MOSMO: variants seen among roughly 807,000 people sequenced by gnomAD.
The protein encoded by MOSMO is modulator of smoothened protein.
A neutral mutation model predicts 18.4 loss-of-function variants in MOSMO; 5 were observed. The ratio of observed to expected loss-of-function variants is 0.27; its 90% CI spans 0.14 to 0.57. The LOEUF (loss-of-function observed/expected upper bound fraction) is 0.57, where lower values mean the gene tolerates loss of function less well. MOSMO is among the 20% of genes least tolerant of loss of function. The pLI is 0.92. For missense variants in MOSMO, 138 were observed against 211.8 expected (o/e 0.65, Z 2.16); for synonymous variants, 82 against 82.3 (o/e 1.00, Z 0.02).
At chr16:22,051,671 G>A (rs2141746651) in intron 1 of MOSMO, among the ~76,000 whole-genome samples, 1 of 152,296 alleles carries the variant, frequency 6.6e-6, no homozygotes, top group East Asian at 1.9e-4. Context: ...GATTCACTGA[G>A]TTGTGTGACT....
intron 1 of MOSMO, among the ~76,000 whole-genome samples, chr16:22,022,320 C>G (rs1899782127): frequency 2.0e-5 from 3 of 152,084 alleles, no homozygotes; most frequent in South Asian, 2.1e-4. Flanking sequence ...ACTGCCCAGG[C>G]CCTGCCGGTA....
intron 1 of MOSMO, among the ~76,000 whole-genome samples, chr16:22,031,819 A>G (rs1186582135): frequency 6.6e-6 from 1 of 152,220 alleles, no homozygotes; most frequent in Non-Finnish European, 1.5e-5. Flanking sequence ...TCTGTGAACC[A>G]TGTACAGGTT....
intron 1 of MOSMO, among the ~76,000 whole-genome samples, chr16:22,035,396 A>ATTTTT (rs1160059034): frequency 1.5e-3 from 204 of 133,350 alleles, no homozygotes; most frequent in Non-Finnish European, 2.5e-3. Flanking sequence ...GCAGGAGGGG[A>ATTTTT]TTTTTTTTTT....
intron 1 of MOSMO, among the ~76,000 whole-genome samples, chr16:22,058,287 G>T (rs944056297): frequency 6.6e-6 from 1 of 152,034 alleles, no homozygotes; most frequent in South Asian, 2.1e-4. Flanking sequence ...TTAGCCGGGC[G>T]TGATGGCGTG....
chr16:22,061,744 A>G (rs1900649173), intron 1 of MOSMO, among the ~76,000 whole-genome samples: 1 of 152,176 alleles, frequency 6.6e-6, no homozygotes, highest in Non-Finnish European at 1.5e-5. Context: ...AACCTTCTCT[A>G]AAGTATGGTT....
chr16:22,089,275 C>G (rs2141799804), downstream of MOSMO, among the ~76,000 whole-genome samples: 1 of 152,148 alleles, frequency 6.6e-6, no homozygotes, highest in East Asian at 1.9e-4. Context: ...ACTTTGTTGC[C>G]CAGACTGGTC....
At position 22,008,390 on chromosome 16, in the gene MOSMO, A is replaced by T. The variant is rs1899435365; in HGVS notation, c.89A>T (p.Asn30Ile). Reference sequence around the variant, plus strand: ...AGCATCGCCAACCCGGACTGGATCAACACCGGGGAGTCTGCGGGTGAGCCG... The same window carrying T: ...AGCATCGCCAACCCGGACTGGATCATCACCGGGGAGTCTGCGGGTGAGCCG... ...IASIANPDWI[N>I]TGESAGALTV... is the part of the protein sequence containing the mutation. Residue 30 changes from asparagine to isoleucine, a missense_variant, in exon 1 of 3, where the codon AAC (asparagine) becomes ATC (isoleucine). Coordinates refer to ENST00000542527, the MANE Select transcript of MOSMO (RefSeq NM_001164579.2). 6.5e-7 allele frequency: 1 copy of T among 1,532,266 alleles called. No individual in the cohort carries two copies. The highest frequency in any genetic ancestry group is 8.7e-7 in the Non-Finnish European group (1 of 1,145,308). 94.9% of individuals were successfully genotyped at this position (1,532,266 alleles called of 1,614,324 possible). A position where few individuals can be genotyped will look rare whatever the true frequency, so the allele number is the denominator to read the frequency against.
At chr16:22,008,583 C>T (rs1899443468) in intron 1 of MOSMO, among the ~76,000 whole-genome samples, 176 bp downstream of exon 1, 1 of 151,110 alleles carries the variant, frequency 6.6e-6, no homozygotes, top group South Asian at 2.1e-4. Flanking sequence ...GAGAGGAAGC[C>T]GCCGGGCGCC....
intron 2 of MOSMO, among the ~76,000 whole-genome samples, chr16:22,076,742 G>A (rs181248420): frequency 1.6e-4 from 24 of 152,280 alleles, no homozygotes; most frequent in Admixed American, 1.6e-3. Flanking sequence ...TTAAAACTCA[G>A]TTTATCCTAA....
chr16:22,030,616 G>A (rs563381847), intron 1 of MOSMO, among the ~76,000 whole-genome samples: 14 of 152,160 alleles, frequency 9.2e-5, no homozygotes, highest in Admixed American at 7.2e-4. Flanking sequence ...GGCTCACTGC[G>A]ACCTCTGCCT....
chr16:22,041,787 A>C (rs1172583987), intron 1 of MOSMO, among the ~76,000 whole-genome samples: 3 of 151,448 alleles, frequency 2.0e-5, no homozygotes, highest in African/African-American at 7.3e-5. Flanking sequence ...CATTCCTCCC[A>C]CCTCATATTC....
At chr16:22,088,119 G>T (rs150028558), downstream of MOSMO, among the ~76,000 whole-genome samples, 2 of 152,038 alleles carry the variant, frequency 1.3e-5, no homozygotes, top group Non-Finnish European at 2.9e-5. Context: ...AAATTCCTGG[G>T]CTCAAGCGAT....
intron 1 of MOSMO, among the ~76,000 whole-genome samples, chr16:22,066,845 GACAC>G (rs1298307574): frequency 1.3e-5 from 2 of 152,076 alleles, no homozygotes; most frequent in African/African-American, 2.4e-5. Context: ...AAAATTACAA[GACAC>G]ACACAGAAAC....
chr16:22,062,453 G>C (rs921957801), intron 1 of MOSMO, among the ~76,000 whole-genome samples: 2 of 152,050 alleles, frequency 1.3e-5, no homozygotes, highest in African/African-American at 4.8e-5. Flanking sequence ...CTCTTGAGTA[G>C]CTTGAACCAC....
At position 22,008,294 on chromosome 16, in the gene MOSMO, G is replaced by A. The variant is rs1427729659; in HGVS notation, c.-8G>A. ...GGGCTCGGGGGGTGGGGGGAGCGGG[G>A]CGGGGAGATGGATAAACTGACCATC... On this transcript the variant is annotated 5_prime_UTR_variant, in exon 1 of 3. Coordinates refer to ENST00000542527, the MANE Select transcript of MOSMO (RefSeq NM_001164579.2). 1 of 1,497,000 alleles carries A rather than the reference G, an allele frequency of 6.7e-7. No homozygotes were observed. The highest frequency in any genetic ancestry group is 2.6e-5 in the East Asian group (1 of 38,902). 92.7% of individuals were successfully genotyped at this position (1,497,000 alleles called of 1,614,324 possible). A position where few individuals can be genotyped will look rare whatever the true frequency, so the allele number is the denominator to read the frequency against.
intron 1 of MOSMO, among the ~76,000 whole-genome samples, chr16:22,073,759 G>C (rs1176499336): frequency 1.3e-5 from 2 of 151,342 alleles, no homozygotes; most frequent in Admixed American, 6.6e-5. Flanking sequence ...GCTCCAAGTA[G>C]AAGGTGGTGT....
At chr16:22,056,270 T>A (rs1428423349) in intron 1 of MOSMO, among the ~76,000 whole-genome samples, 1 of 152,038 alleles carries the variant, frequency 6.6e-6, no homozygotes, top group Non-Finnish European at 1.5e-5. Flanking sequence ...CATCTGCCAC[T>A]GACGCCTGAG....
downstream of MOSMO, among the ~76,000 whole-genome samples, chr16:22,089,363 C>T (rs1417886222): frequency 6.6e-6 from 1 of 152,110 alleles, no homozygotes; most frequent in African/African-American, 2.4e-5. Context: ...CACCATGCCC[C>T]AGCCTGTTGG....
intron 1 of MOSMO, among the ~76,000 whole-genome samples, chr16:22,028,499 G>T (rs1899924990): frequency 1.3e-5 from 2 of 151,530 alleles, no homozygotes; most frequent in South Asian, 4.2e-4. Context: ...CATCTGTAAA[G>T]CTCTTTTCAT....
Sources: allele counts gnomAD v4.1 joint callset (sites outside exome capture counted in the v4.1 genomes callset), GRCh38; gene constraint gnomAD v4.1.1; transcripts MANE v1.5; gene names NCBI Gene and HGNC (gene_info 2026-07-23, HGNC 2026-07-21).